Variants in NLRP5 observed in about 807,000 individuals in gnomAD.
NLRP5 encodes NACHT, LRR and PYD domains-containing protein 5.
NLRP5 carries 93 observed loss-of-function variants against 113.1 expected under a neutral mutation model. The ratio of observed to expected loss-of-function variants is 0.82; its 90% CI spans 0.70 to 0.98. The LOEUF (loss-of-function observed/expected upper bound fraction) is 0.98. Ranked by LOEUF, NLRP5 falls within the 50% of genes least tolerant of loss-of-function variation. The pLI, the probability that NLRP5 is intolerant of heterozygous loss-of-function variation, is 0.00. For synonymous variants in NLRP5, 751 were observed against 600.7 expected (o/e 1.25, Z -3.66); for missense variants, 1,808 against 1,514.3 (o/e 1.19, Z -3.22).
chr19:56,003,295 G>A (rs1016454332), intron 1 of NLRP5, among the ~76,000 whole-genome samples: 9 of 152,278 alleles, frequency 5.9e-5, no homozygotes, highest in Middle Eastern at 3.4e-3. Context: ...GGGATTACAG[G>A]CATGTGCCAC....
chr19:56,051,217 G>A lies in NLRP5; in HGVS notation c.3128+629G>A, dbSNP rs1200484605. On this transcript the variant is annotated intron_variant, in intron 12 of 14. Coordinates refer to ENST00000390649, the MANE Select transcript of NLRP5 (RefSeq NM_153447.4). ...TTTTGTTTGTTTGTTTATTTATTTT[G>A]AGTCTTGCTCTGTTGCCCAGGCTAG... is the stretch of plus-strand genomic sequence containing the variant. Among the ~76,000 whole-genome samples the A allele has an allele frequency of 2.6e-5, 4 of 152,040 alleles. No individual in the cohort carries two copies. The South Asian group carries it at 8.3e-4, about 32-fold the overall frequency.
At chr19:56,034,469 G>C (rs185096873) in intron 9 of NLRP5, among the ~76,000 whole-genome samples, 38 of 152,330 alleles carry the variant, frequency 2.5e-4, no homozygotes, top group Admixed American at 2.4e-3. Flanking sequence ...CTGGGAAACA[G>C]ATCCTGGTAT....
upstream of NLRP5, among the ~76,000 whole-genome samples, chr19:55,998,510 G>A (rs1438920605): frequency 2.6e-5 from 4 of 151,344 alleles, no homozygotes; most frequent in Non-Finnish European, 4.4e-5. Context: ...AAAATTAGCC[G>A]GGCATGGTGA....
the NLRP5 span, among the ~76,000 whole-genome samples, chr19:55,990,517 AC>A: frequency 6.6e-6 from 1 of 151,002 alleles, no homozygotes; most frequent in East Asian, 2.0e-4. Flanking sequence ...ATGGCGAAAT[AC>A]CCTGTCTACT....
chr19:56,043,473 G>A (rs1007940100), intron 11 of NLRP5, among the ~76,000 whole-genome samples: 2 of 143,354 alleles, frequency 1.4e-5, no homozygotes, highest in Admixed American at 7.1e-5. Context: ...GTTTGAGTTC[G>A]TTGTAGACTC....
Position 56,020,420 on chromosome 19 carries a change from C to T in NLRP5, c.668C>T (p.Thr223Ile), listed in dbSNP as rs550190505. ...CAAGAAGGTGCCACAGCAGCAGAGA[C>T]AGAAGAACAAGGTGAGGAAAATAGA... Residue 223 changes from threonine to isoleucine, a missense_variant, in exon 6 of 15, where the codon ACA (threonine) becomes ATA (isoleucine). Transcript: ENST00000390649. 7.4e-6 allele frequency: 12 copies of T among 1,613,466 alleles called. 1 individual carries two copies. The African/African-American group carries it at 1.2e-4, about 16-fold the overall frequency.
At chr19:56,010,296 G>A (rs1434731099) in intron 3 of NLRP5, among the ~76,000 whole-genome samples, 1 of 152,164 alleles carries the variant, frequency 6.6e-6, no homozygotes. Context: ...GTTAAATTGA[G>A]GCAAGGTGGG....
At chr19:56,052,564 C>A (rs1164624177) in intron 12 of NLRP5, among the ~76,000 whole-genome samples, 1 of 152,198 alleles carries the variant, frequency 6.6e-6, no homozygotes, top group Non-Finnish European at 1.5e-5. Context: ...GCCACTGTAC[C>A]CAGCCTGCAT....
rs1400597801 is a variant in NLRP5 at position 56,032,661 on chromosome 19, T to G, written c.2327T>G (p.Met776Arg). ...GAGCAGTGGGAAGATTTCTGCTCCA[T>G]GCTTGGCACCCACCCACACCTGCGG... is the stretch of plus-strand genomic sequence containing the variant. The change falls in exon 8 of 15, where the codon ATG becomes AGG. Residue 776 changes from methionine to arginine, a missense_variant. Physicochemically the swap from Met to Arg is moderately conservative, Grantham distance 91. Transcript: ENST00000390649. The G allele has an allele frequency of 6.2e-7, 1 of 1,613,844 alleles. No individual in the cohort carries two copies. The highest frequency in any genetic ancestry group is 8.5e-7 in the Non-Finnish European group (1 of 1,179,836).
intron 11 of NLRP5, among the ~76,000 whole-genome samples, chr19:56,047,159 A>G (rs1416327295): frequency 6.6e-6 from 1 of 152,118 alleles, no homozygotes; most frequent in Non-Finnish European, 1.5e-5. Context: ...TCTTGCCAAT[A>G]GTCTATCAAT....
At position 56,036,058 on chromosome 19, in the gene NLRP5, C is replaced by CTTTTTTTT. The variant is rs34956178; in HGVS notation, c.2616-1952_2616-1945dup. 1.4e-3 allele frequency among the ~76,000 whole-genome samples: 109 copies of CTTTTTTTT among 77,002 alleles called. 10 individuals are homozygous for CTTTTTTTT. Among genetic ancestry groups the CTTTTTTTT allele is most frequent in the African/African-American group, 5.6e-3 (98 of 17,614 alleles). The allele number at this position is 77,002 out of a possible 152,430, so 50.5% of individuals were successfully genotyped here. On this transcript the variant is annotated intron_variant, in intron 9 of 14. Transcript: ENST00000390649. ...ACATGCTGATGAATGAATTGAGATT[C>CTTTTTTTT]TTTTTTTTTTTTTTTTTTTTTTGGA...
intron 7 of NLRP5, 24 bp downstream of exon 7, chr19:56,028,533 C>T (rs1982971933): frequency 6.3e-7 from 1 of 1,598,500 alleles, no homozygotes; most frequent in South Asian, 1.1e-5. Flanking sequence ...GCAGTTTTAT[C>T]CTATGCCGTG....
Position 56,032,717 on chromosome 19 carries a change from G to C in NLRP5, c.2383G>C (p.Glu795Gln), listed in dbSNP as rs1169033306. The C allele has an allele frequency of 6.2e-7, 1 of 1,613,456 alleles. No homozygotes were observed. Among genetic ancestry groups the C allele is most frequent in the Non-Finnish European group, 8.5e-7 (1 of 1,179,806 alleles). ...GGACCTGGGCAGCAGCATCCTGACA[G>C]AGCGGGCCATGAAGACCCTGTGTGC... The change falls in exon 8 of 15, where the codon GAG becomes CAG. Residue 795 changes from glutamate to glutamine, a missense_variant. Glu to Gln is a conservative substitution (Grantham distance 29). Transcript: ENST00000390649.
intron 12 of NLRP5, among the ~76,000 whole-genome samples, chr19:56,051,429 G>A (rs929597045): frequency 6.6e-6 from 1 of 152,136 alleles, no homozygotes; most frequent in African/African-American, 2.4e-5. Context: ...CTGACCTCAG[G>A]CAATCCACCC....
the NLRP5 span, among the ~76,000 whole-genome samples, chr19:55,994,017 C>T: frequency 6.6e-6 from 1 of 151,820 alleles, no homozygotes. Flanking sequence ...GGGTATTAAT[C>T]TATTTTCAGT....
At chr19:55,989,549 G>A in the NLRP5 span, among the ~76,000 whole-genome samples, 7 of 152,140 alleles carry the variant, frequency 4.6e-5, no homozygotes, top group Non-Finnish European at 1.0e-4. Context: ...CACTGCGCCC[G>A]GCCTTTTTCA....
chr19:56,056,325 A>T (rs1984149415), intron 13 of NLRP5, among the ~76,000 whole-genome samples: 1 of 152,114 alleles, frequency 6.6e-6, no homozygotes, highest in African/African-American at 2.4e-5. Context: ...TGGGAGGCTG[A>T]GGGGGGTGGA....
chr19:55,999,531 C>T (rs182818560), upstream of NLRP5, among the ~76,000 whole-genome samples: 3 of 152,190 alleles, frequency 2.0e-5, no homozygotes, highest in Non-Finnish European at 4.4e-5. Flanking sequence ...CAGGACGTCT[C>T]GGTCTGGCAG....
intron 14 of NLRP5, among the ~76,000 whole-genome samples, chr19:56,058,804 CA>C (rs2123347140): frequency 6.6e-6 from 1 of 152,216 alleles, no homozygotes; most frequent in Non-Finnish European, 1.5e-5. Flanking sequence ...CAATAATAGC[CA>C]AGAGGTGGAA....
Sources: gnomAD v4.1 joint callset for allele counts (sites outside exome capture counted in the v4.1 genomes callset) on GRCh38, gnomAD v4.1.1 for gene constraint, MANE v1.5 for transcripts, NCBI Gene and HGNC (gene_info 2026-07-23, HGNC 2026-07-21) for gene names.